Variants in CA10 observed in about 807,000 individuals in gnomAD.
CA10 encodes carbonic anhydrase-related protein 10.
CA10 carries 14 observed loss-of-function variants against 44.2 expected under a neutral mutation model. The ratio of observed to expected loss-of-function variants is 0.32; its 90% confidence interval spans 0.21 to 0.50. The LOEUF (loss-of-function observed/expected upper bound fraction) is 0.50, where lower values mean the gene tolerates loss of function less well. Among genes scored for constraint, CA10 ranks in the 20% least tolerant of loss-of-function variants. The pLI is 0.99. For synonymous variants in CA10, 159 were observed against 141.6 expected (o/e 1.12, Z -0.87); for missense variants, 350 against 409.7 (o/e 0.85, Z 1.26).
intron 1 of CA10, among the ~76,000 whole-genome samples, chr17:52,081,498 A>G (rs1232994805): frequency 1.3e-5 from 2 of 152,180 alleles, no homozygotes; most frequent in Admixed American, 6.5e-5. Context: ...AAAATAGAAC[A>G]TCATAAGATT....
intron 2 of CA10, among the ~76,000 whole-genome samples, chr17:52,024,057 C>G (rs1986225869): frequency 6.6e-6 from 1 of 152,070 alleles, no homozygotes; most frequent in South Asian, 2.1e-4. Flanking sequence ...AACATGACTC[C>G]TACCTTATTC....
intron 4 of CA10, among the ~76,000 whole-genome samples, chr17:51,706,864 C>T (rs1915777532): frequency 1.3e-5 from 2 of 152,146 alleles, no homozygotes; most frequent in African/African-American, 4.8e-5. Context: ...CTTTCCATCT[C>T]CTTTAGGTCT....
At chr17:51,752,432 C>T (rs1263946) in intron 3 of CA10, among the ~76,000 whole-genome samples, 103,917 of 151,616 alleles carry the variant, frequency 0.69, 35,720 homozygotes, top group Admixed American at 0.77. Context: ...TTTTGTTTTA[C>T]CTTAATTCAC....
rs749884414 is a variant in CA10 at position 51,990,974 on chromosome 17, C to T, written c.137-59842G>A. 7.2e-5 allele frequency among the ~76,000 whole-genome samples: 11 copies of T among 152,232 alleles called. 1 individual carries two copies. The highest frequency in any genetic ancestry group is 1.5e-4 in the Non-Finnish European group (10 of 68,014). On this transcript the variant is annotated intron_variant, in intron 2 of 8. Transcript: ENST00000451037. Reference sequence around the variant, plus strand: ...TGCCCTTTTCTGAGAGGTACAAAGACGACCATGGTGTGCATATACCCTCAC... The same window carrying T: ...TGCCCTTTTCTGAGAGGTACAAAGATGACCATGGTGTGCATATACCCTCAC...
chr17:51,674,376 G>C (rs1914539874), intron 4 of CA10, among the ~76,000 whole-genome samples: 1 of 152,124 alleles, frequency 6.6e-6, no homozygotes, highest in African/African-American at 2.4e-5. Context: ...TAAAACCCTT[G>C]AACAAGCACT....
intron 2 of CA10, among the ~76,000 whole-genome samples, chr17:51,974,030 T>C (rs993837977): frequency 1.2e-4 from 19 of 152,086 alleles, no homozygotes; most frequent in African/African-American, 4.6e-4. Context: ...TATAATCTCA[T>C]TAAAGAAAAA....
At chr17:51,889,146 G>T (rs1980743936) in intron 3 of CA10, among the ~76,000 whole-genome samples, 1 of 152,156 alleles carries the variant, frequency 6.6e-6, no homozygotes, top group African/African-American at 2.4e-5. Context: ...GGTGGAGATT[G>T]CAAGGCTTCT....
At chr17:51,893,930 A>T (rs569670610) in intron 3 of CA10, among the ~76,000 whole-genome samples, 20 of 152,264 alleles carry the variant, frequency 1.3e-4, no homozygotes, top group African/African-American at 4.8e-4. Flanking sequence ...ATATATGGCA[A>T]TAGAATAAAC....
intron 2 of CA10, among the ~76,000 whole-genome samples, chr17:51,965,869 A>G (rs974230708): frequency 4.6e-5 from 7 of 152,020 alleles, no homozygotes; most frequent in Non-Finnish European, 8.8e-5. Context: ...TAGCCAGAAC[A>G]ATCAGGCAAG....
chr17:51,791,978 A>C (rs1022506738), intron 3 of CA10, among the ~76,000 whole-genome samples: 5 of 152,174 alleles, frequency 3.3e-5, no homozygotes, highest in Non-Finnish European at 7.3e-5. Context: ...TTGACAATAG[A>C]CACTTATATA....
At chr17:51,828,038 C>T (rs1031461411) in intron 3 of CA10, among the ~76,000 whole-genome samples, 3 of 152,156 alleles carry the variant, frequency 2.0e-5, no homozygotes, top group African/African-American at 7.2e-5. Context: ...CATGAACTTC[C>T]ACTACACCCC....
At chr17:51,937,133 G>A (rs1299847184) in intron 2 of CA10, among the ~76,000 whole-genome samples, 4 of 152,106 alleles carry the variant, frequency 2.6e-5, no homozygotes, top group Admixed American at 6.5e-5. Context: ...GAAAATGAAC[G>A]CTGGCATAAA....
intron 3 of CA10, among the ~76,000 whole-genome samples, chr17:51,792,655 A>T (rs765748984): frequency 3.7e-4 from 55 of 149,260 alleles, no homozygotes; most frequent in Non-Finnish European, 7.0e-4. Flanking sequence ...TCTGAAAAAG[A>T]AAAGAAAGGA....
rs180892539 is a variant in CA10, at chr17:52,138,785, C to A, written c.61+18941G>T. On this transcript the variant is annotated intron_variant, in intron 1 of 8. Coordinates refer to ENST00000451037, the MANE Select transcript of CA10 (RefSeq NM_020178.5). ...CCCTTGTAAGTACAATTTCCAATTA[C>A]TATTTTTTGGCCTACCCTCAGACTC... 8.5e-5 allele frequency among the ~76,000 whole-genome samples: 13 copies of A among 152,290 alleles called. No homozygotes were observed. The East Asian group carries it at 1.5e-3, about 18-fold the overall frequency.
intron 4 of CA10, among the ~76,000 whole-genome samples, chr17:51,722,052 G>C (rs911572449): frequency 7.2e-5 from 11 of 152,136 alleles, no homozygotes. Context: ...GGAGTCTGAT[G>C]TAACTAAACA....
intron 4 of CA10, among the ~76,000 whole-genome samples, chr17:51,691,641 A>G (rs1444343271): frequency 1.3e-5 from 2 of 152,198 alleles, no homozygotes; most frequent in African/African-American, 4.8e-5. Context: ...CATTGCCTAA[A>G]CTAATGTCAT....
intron 2 of CA10, among the ~76,000 whole-genome samples, chr17:51,934,030 G>A (rs997544005): frequency 6.6e-6 from 1 of 152,026 alleles, no homozygotes; most frequent in South Asian, 2.1e-4. Flanking sequence ...CAAAGCCTGC[G>A]TCTCTGATGC....
chr17:51,722,856 C>T (rs1354994600), intron 4 of CA10, among the ~76,000 whole-genome samples: 1 of 152,174 alleles, frequency 6.6e-6, no homozygotes, highest in Admixed American at 6.5e-5. Flanking sequence ...CCCAAAGCCA[C>T]ATGGTCACTG....
At chr17:52,152,423 G>A (rs558232694) in intron 1 of CA10, among the ~76,000 whole-genome samples, 7 of 152,114 alleles carry the variant, frequency 4.6e-5, no homozygotes, top group East Asian at 3.9e-4. Context: ...ATTCTTTAGC[G>A]TACATCCTCT....
Sources: gnomAD v4.1 joint callset for allele counts (sites outside exome capture counted in the v4.1 genomes callset) on GRCh38, gnomAD v4.1.1 for gene constraint, MANE v1.5 for transcripts, NCBI Gene and HGNC (gene_info 2026-07-23, HGNC 2026-07-21) for gene names.